Variants in RTEL1 observed in about 807,000 individuals in gnomAD.
RTEL1 encodes the protein regulator of telomere length.
RTEL1 carries 86 observed loss-of-function variants against 162.2 expected under a neutral mutation model. That is an observed-to-expected ratio of 0.53 (90% CI 0.45 to 0.63). RTEL1 has a LOEUF of 0.63. RTEL1 is among the 30% of genes least tolerant of loss of function. The pLI, the probability that RTEL1 is intolerant of heterozygous loss-of-function variation, is 0.00. For missense variants in RTEL1, 1,941 were observed against 1,750.2 expected, an observed-to-expected ratio of 1.11 and a Z score of -1.95; for synonymous variants, 958 against 717.9, an observed-to-expected ratio of 1.33 and a Z score of -5.35.
chr20:63,672,319 G>A (rs541414509), intron 8 of RTEL1, among the ~76,000 whole-genome samples: 1 of 152,326 alleles, frequency 6.6e-6, no homozygotes, highest in Admixed American at 6.5e-5. Context: ...CGTCTGTCTT[G>A]CTGAGCGTGG....
At chr20:63,688,712 TC>T in intron 21 of RTEL1, 107 bp downstream of exon 21, 1 of 968,872 alleles carries the variant, frequency 1.0e-6, no homozygotes, top group Non-Finnish European at 1.5e-6. Context: ...CTCCGGCGGC[TC>T]CCGCTGCCTC....
rs750836127 is a variant in RTEL1 at position 63,690,446 on chromosome 20, G to A, written c.2413+5G>A. On this transcript the variant is annotated splice_donor_5th_base_variant and intron_variant, in intron 26 of 34. Coordinates refer to ENST00000360203, the MANE Select transcript of RTEL1 (RefSeq NM_001283009.2). Reference sequence around the variant, plus strand: ...GCCTGAAGCAGAGGTCCTCAGGTGCGGACGGGCAGCGCTGGGTGGGCGGTG... The same window carrying A: ...GCCTGAAGCAGAGGTCCTCAGGTGCAGACGGGCAGCGCTGGGTGGGCGGTG... 23 of 1,575,326 alleles carry A rather than the reference G, an allele frequency of 1.5e-5. No individual in the cohort carries two copies. The highest frequency in any genetic ancestry group is 9.0e-5 in the East Asian group (4 of 44,284).
At chr20:63,686,524 G>T (rs114262537) in intron 16 of RTEL1, 1 of 152,740 alleles carries the variant, frequency 6.5e-6, no homozygotes, top group Non-Finnish European at 1.5e-5. Flanking sequence ...CCCCTGCCTT[G>T]TGCTCCAGTG....
At chr20:63,691,097 T>C (rs753828720) in intron 27 of RTEL1, 150 bp downstream of exon 27, 1 of 873,908 alleles carries the variant, frequency 1.1e-6, no homozygotes, top group Non-Finnish European at 1.7e-6. Context: ...GGATCCCAGC[T>C]GCCTGGCTGT....
At chr20:63,677,485 C>T (rs1235379685) in intron 10 of RTEL1, among the ~76,000 whole-genome samples, 1 of 152,164 alleles carries the variant, frequency 6.6e-6, no homozygotes, top group Admixed American at 6.5e-5. Context: ...CATGGTGGCG[C>T]ACACCTATAG....
At chr20:63,691,004 G>A (rs1041694585) in intron 27 of RTEL1, 57 bp downstream of exon 27, 33 of 1,484,776 alleles carry the variant, frequency 2.2e-5, no homozygotes, top group African/African-American at 1.3e-4. Context: ...AGGCCAACCC[G>A]ACCCCGCCCA....
rs979299366 is a variant in RTEL1 at position 63,689,714 on chromosome 20, A to C, written c.2026-36A>C. ...TGACTGAGCCCCCGCCCCGTGGCCA[A>C]GGGAGCCCCCGTGACCGAGCCGCCT... On this transcript the variant is annotated intron_variant, in intron 23 of 34. Coordinates refer to ENST00000360203, the MANE Select transcript of RTEL1 (RefSeq NM_001283009.2). 3 of 1,605,778 alleles carry C rather than the reference A, an allele frequency of 1.9e-6. No individual in the cohort carries two copies. In the African/African-American group the frequency reaches 4.0e-5, roughly 21 times the overall value.
chr20:63,685,254 G>T (rs1053094731), intron 14 of RTEL1, among the ~76,000 whole-genome samples: 2 of 152,112 alleles, frequency 1.3e-5, no homozygotes, highest in Non-Finnish European at 2.9e-5. Context: ...CCAGTTGGCG[G>T]GAGGAGAGGC....
chr20:63,673,348 C>T (rs1293184685), intron 9 of RTEL1, among the ~76,000 whole-genome samples: 1 of 152,102 alleles, frequency 6.6e-6, no homozygotes, highest in African/African-American at 2.4e-5. Flanking sequence ...GAGCCAAGAT[C>T]ACACCACTGT....
chr20:63,678,862 G>GGAACAGCAC (rs2090425739), intron 12 of RTEL1, among the ~76,000 whole-genome samples: 1 of 97,228 alleles, frequency 1.0e-5, no homozygotes, highest in African/African-American at 5.4e-5. Flanking sequence ...CGGAACAGCA[G>GGAACAGCAC]ACTCTCCCAC....
At position 63,685,505 on chromosome 20, in the gene RTEL1, A is replaced by T. The variant is rs1022639096; in HGVS notation, c.1192-18A>T. The T allele has an allele frequency of 6.2e-7, 1 of 1,611,260 alleles. No homozygotes were observed. Among genetic ancestry groups the T allele is most frequent in the Non-Finnish European group, 8.5e-7 (1 of 1,179,464 alleles). On this transcript the variant is annotated intron_variant, in intron 14 of 34. Transcript: ENST00000360203. ...GGCCTCAGGCTCCTGACGGGGCTGCACTTCCTCTGCCTTTCAGATTGTGTT... is the reference window on the plus strand; with the variant it reads ...GGCCTCAGGCTCCTGACGGGGCTGCTCTTCCTCTGCCTTTCAGATTGTGTT...
chr20:63,693,843 T>C (rs1331625852), intron 30 of RTEL1, among the ~76,000 whole-genome samples: 3 of 144,044 alleles, frequency 2.1e-5, no homozygotes, highest in Non-Finnish European at 3.0e-5. Context: ...CCCCGACCCC[T>C]AAGCACAGCC....
At position 63,668,451 on chromosome 20, in the gene RTEL1, C is replaced by A. The variant is rs191079905; in HGVS notation, c.699+898C>A. On this transcript the variant is annotated intron_variant, in intron 8 of 34. Transcript: ENST00000360203. The surrounding 1 kb of genome is among the most constrained non-coding windows in gnomAD (Gnocchi z 4.3). ...CAGGTGGACAGCAAAAGAGTAAGCACGTGAGCTGATGATACTGAAGGGAAA... is the reference window on the plus strand; with the variant it reads ...CAGGTGGACAGCAAAAGAGTAAGCAAGTGAGCTGATGATACTGAAGGGAAA... Among the ~76,000 whole-genome samples the A allele has an allele frequency of 6.6e-6, 1 of 152,072 alleles. No individual in the cohort carries two copies. The highest frequency in any genetic ancestry group is 2.4e-5 in the African/African-American group (1 of 41,386).
chr20:63,688,122 G>A lies in RTEL1; in HGVS notation c.1596-17G>A. 6.2e-7 allele frequency: 1 copy of A among 1,612,528 alleles called. No homozygotes were observed. Among genetic ancestry groups the A allele is most frequent in the Non-Finnish European group, 8.5e-7 (1 of 1,179,906 alleles). On this transcript the variant is annotated splice_polypyrimidine_tract_variant and intron_variant, in intron 18 of 34. Transcript: ENST00000360203. ...ACTGAGGCCTGAGGTCCTGAGCAGT[G>A]GCCTCTCCGGCTCTAGGTTTTCCGA...
chr20:63,681,570 G>A (rs751149923), intron 14 of RTEL1: 6 of 985,326 alleles, frequency 6.1e-6, no homozygotes, highest in East Asian at 1.1e-4. Flanking sequence ...GGGGGAGGCC[G>A]CAGAAGAACC....
chr20:63,672,643 A>G (rs1294655534), intron 9 of RTEL1, 22 bp downstream of exon 9: 1 of 1,558,248 alleles, frequency 6.4e-7, no homozygotes, highest in East Asian at 2.3e-5. Context: ...CTGGCCTCCT[A>G]AACACCTCCT....
rs367990228 is a variant in RTEL1, at chr20:63,692,758, A to G, written c.2653-47A>G. The G allele has an allele frequency of 3.4e-4, 529 of 1,560,822 alleles. 3 individuals are homozygous for G. The highest frequency in any genetic ancestry group is 2.0e-4 in the Middle Eastern group (1 of 4,890). ...GGAAGGCTCTGCAGCCCCAGGGACC[A>G]GATGATGAGGCTGGCCCTGATGGAG... is the stretch of plus-strand genomic sequence containing the variant. On this transcript the variant is annotated intron_variant, in intron 28 of 34. Transcript: ENST00000360203.
In RTEL1 at chr20:63,695,691, C is replaced by G. The variant is rs1296706541; in HGVS notation, c.3822+41C>G. On this transcript the variant is annotated intron_variant, in intron 34 of 34. Coordinates refer to ENST00000360203, the MANE Select transcript of RTEL1 (RefSeq NM_001283009.2). ...CTACAGTTCCTGCTGGGTGTAGCCC[C>G]AGGTGATGGGCTGAGGGGGAAAGGG... The G allele has an allele frequency of 1.9e-6, 3 of 1,609,390 alleles. No homozygotes were observed. In the Admixed American group the frequency reaches 5.0e-5, roughly 27 times the overall value.
chr20:63,680,771 T>C (rs749344835), intron 14 of RTEL1, 52 bp downstream of exon 14: 2 of 1,604,622 alleles, frequency 1.2e-6, no homozygotes, highest in African/African-American at 2.7e-5. Context: ...GCCGGGCGGG[T>C]GCCTTCTCCT....
Sources: allele counts gnomAD v4.1 joint callset (sites outside exome capture counted in the v4.1 genomes callset), GRCh38; gene constraint gnomAD v4.1.1; non-coding constraint Gnocchi (gnomAD v3.1); transcripts MANE v1.5; gene names NCBI Gene and HGNC (gene_info 2026-07-23, HGNC 2026-07-21).